Variants in OTOG observed in about 807,000 individuals in gnomAD.
OTOG encodes the protein otogelin.
A neutral mutation model predicts 313.8 loss-of-function variants in OTOG; 296 were observed. The ratio of observed to expected loss-of-function variants is 0.94; its 90% CI spans 0.86 to 1.04. The LOEUF is 1.04. Ranked by LOEUF, OTOG falls within the 50% of genes least tolerant of loss-of-function variation. OTOG has a pLI of 0.00. For missense variants in OTOG, 3,948 were observed against 3,840.1 expected (o/e 1.03, Z -0.74); for synonymous variants, 1,533 against 1,554.9 (o/e 0.99, Z 0.33).
At chr11:17,559,745 C>A in intron 12 of OTOG, 83 bp downstream of exon 12, 2 of 1,303,646 alleles carry the variant, frequency 1.5e-6, no homozygotes, top group South Asian at 1.5e-5. Context: ...TCAGAAGATA[C>A]CTGTTTGTGG....
chr11:17,590,903 T>C (rs987705337), intron 24 of OTOG, among the ~76,000 whole-genome samples: 2 of 152,160 alleles, frequency 1.3e-5, no homozygotes, highest in African/African-American at 4.8e-5. Context: ...CCACCCTATT[T>C]AAAATTGTAA....
At chr11:17,555,730 CA>C in intron 6 of OTOG, 48 bp from the exon 7 acceptor site, 13 of 1,450,680 alleles carry the variant, frequency 9.0e-6, no homozygotes, top group Non-Finnish European at 1.2e-5. Context: ...AGCTCAGGGT[CA>C]GGCCTGTGGC....
Position 17,610,368 on chromosome 11 carries a change from G to T in OTOG, c.5068G>T (p.Ala1690Ser). The T allele has an allele frequency of 1.3e-6, 2 of 1,550,626 alleles. No individual in the cohort carries two copies. The highest frequency in any genetic ancestry group is 1.7e-6 in the Non-Finnish European group (2 of 1,146,982). ...CCCCCAGCCCACCCAGGCCCAGAGT[G>T]CTTCAAGTCCCAGCACCCCTCTAAC... ...GVPQPTQAQS[A>S]SSPSTPLTVA... is the part of the protein sequence containing the mutation. The change falls in exon 36 of 56, where the codon GCT becomes TCT. Residue 1690 changes from alanine (A) to serine (S), a missense_variant. By Grantham distance (99) the Ala-to-Ser change is moderately conservative. Transcript: ENST00000399397.
Position 17,560,701 on chromosome 11 carries a change from C to T in OTOG, c.1343-8C>T, listed in dbSNP as rs876657551. 8.4e-6 allele frequency: 13 copies of T among 1,548,304 alleles called. No homozygotes were observed. The Admixed American group carries it at 1.4e-4, about 16-fold the overall frequency. ...GGTGAGTTAATTGGCCCTTTGCTGTCACTCTAGGGCTCATCTTCGAGGATG... is the reference window on the plus strand; with the variant it reads ...GGTGAGTTAATTGGCCCTTTGCTGTTACTCTAGGGCTCATCTTCGAGGATG... On this transcript the variant is annotated splice_region_variant and splice_polypyrimidine_tract_variant and intron_variant, in intron 12 of 55. Coordinates refer to ENST00000399397, the MANE Select transcript of OTOG (RefSeq NM_001292063.2).
intron 15 of OTOG, among the ~76,000 whole-genome samples, chr11:17,562,570 CA>C (rs148426671): frequency 1.7e-4 from 26 of 148,636 alleles, no homozygotes; most frequent in African/African-American, 3.9e-4. Context: ...ACCCATTTTA[CA>C]AAAAAAAAAT....
Position 17,561,735 on chromosome 11 carries a change from T to C in OTOG, c.1572T>C (p.Cys524=), listed in dbSNP as rs1257902336. ...DGRRYTFPAT[C]QYILAKSRSS... The stretch of plus-strand genomic sequence containing the variant: ...GCCGGTACACGTTCCCCGCCACATG[T>C]CAGTACATCCTGGCCAAGAGCCGCT... The change falls in exon 15 of 56, where the codon TGT becomes TGC. Residue 524 remains cysteine (C), a synonymous_variant. Transcript: ENST00000399397. 1.3e-6 allele frequency: 2 copies of C among 1,550,498 alleles called. No homozygotes were observed. Among genetic ancestry groups the C allele is most frequent in the Non-Finnish European group, 1.7e-6 (2 of 1,146,966 alleles).
intron 42 of OTOG, 108 bp from the exon 43 acceptor site, chr11:17,633,572 C>A: frequency 9.7e-7 from 1 of 1,036,174 alleles, no homozygotes; most frequent in Non-Finnish European, 1.4e-6. Flanking sequence ...TGCTGAGGTG[C>A]TGATGACACT....
At position 17,643,511 on chromosome 11, in the gene OTOG, G is replaced by A; in HGVS notation, c.8461+5G>A. 1 of 1,438,758 alleles carries A rather than the reference G, an allele frequency of 7.0e-7. No homozygotes were observed. Among genetic ancestry groups the A allele is most frequent in the Non-Finnish European group, 9.2e-7 (1 of 1,089,328 alleles). The allele number at this position is 1,438,758 out of a possible 1,614,324, so 89.1% of individuals were successfully genotyped here. Reference sequence around the variant, plus strand: ...TGGAAGGATGCTGCAGGACCTGTGAGTGAGCATGGTGGGGGCCCAGGGGTG... The same window carrying A: ...TGGAAGGATGCTGCAGGACCTGTGAATGAGCATGGTGGGGGCCCAGGGGTG... On this transcript the variant is annotated splice_donor_5th_base_variant and intron_variant, in intron 54 of 55. Transcript: ENST00000399397.
rs184343088 is a variant in OTOG at position 17,636,404 on chromosome 11, T to C, written c.7795+693T>C. ...ATGGTTCTATTTAAATATTATTCAA[T>C]TTACAAAAATTGCTTTGCACACTGA... is the stretch of plus-strand genomic sequence containing the variant. On this transcript the variant is annotated intron_variant, in intron 47 of 55. Transcript: ENST00000399397. Among the ~76,000 whole-genome samples the C allele has an allele frequency of 2.6e-5, 4 of 152,266 alleles. No homozygotes were observed. The East Asian group carries it at 7.7e-4, about 29-fold the overall frequency.
At position 17,613,178 on chromosome 11, in the gene OTOG, CTTTCTTTCTTTCTTTCTTT is replaced by C. The variant is rs1460761153; in HGVS notation, c.6438+415_6439-414del. On this transcript the variant is annotated intron_variant, in intron 38 of 55. Coordinates refer to ENST00000399397, the MANE Select transcript of OTOG (RefSeq NM_001292063.2). ...TTCTCTTCTCTTCTCCCTTTTCTTT[CTTTCTTTCTTTCTTTCTTT>C]TCTTTCTTTCTTTCTTTCTTTCTTT... Among the ~76,000 whole-genome samples the C allele has an allele frequency of 9.4e-3, 940 of 99,494 alleles. 20 individuals are homozygous for C. Among genetic ancestry groups the C allele is most frequent in the African/African-American group, 0.042 (900 of 21,422 alleles). 65.3% of individuals were successfully genotyped at this position (99,494 alleles called of 152,430 possible).
At chr11:17,612,001 C>T (rs531622700) in intron 36 of OTOG, among the ~76,000 whole-genome samples, 161 bp from the exon 37 acceptor site, 1 of 152,210 alleles carries the variant, frequency 6.6e-6, no homozygotes, top group Admixed American at 6.5e-5. Context: ...ATCGCCAGGC[C>T]CCACATGGCT....
At chr11:17,644,164 A>C (rs1393227504) in intron 54 of OTOG, among the ~76,000 whole-genome samples, 1 of 152,358 alleles carries the variant, frequency 6.6e-6, no homozygotes, top group South Asian at 2.1e-4. Context: ...CTGGGCTTGC[A>C]TGGGAAAGCT....
chr11:17,643,824 C>A (rs556979238), intron 54 of OTOG, among the ~76,000 whole-genome samples: 210 of 152,354 alleles, frequency 1.4e-3, no homozygotes, highest in African/African-American at 5.0e-3. Context: ...CCTGCCAAGG[C>A]CCCCAGCCCA....
rs1449626761 is a variant in OTOG at position 17,634,051 on chromosome 11, T to C, written c.7268-18T>C. On this transcript the variant is annotated intron_variant, in intron 43 of 55. Coordinates refer to ENST00000399397, the MANE Select transcript of OTOG (RefSeq NM_001292063.2). ...TCACCTTCCTCAGTCCCTCGCACCCTGCCATTCCCCTCTGCAGCCTGCACT... is the reference window on the plus strand; with the variant it reads ...TCACCTTCCTCAGTCCCTCGCACCCCGCCATTCCCCTCTGCAGCCTGCACT... 7 of 1,538,128 alleles carry C rather than the reference T, an allele frequency of 4.6e-6. No homozygotes were observed. The highest frequency in any genetic ancestry group is 1.4e-5 in the African/African-American group (1 of 72,886).
chr11:17,611,355 A>G lies in OTOG; in HGVS notation c.6055A>G (p.Ser2019Gly). The change falls in exon 36 of 56, where the codon AGC becomes GGC. Residue 2019 changes from serine to glycine, a missense_variant. Transcript: ENST00000399397. Reference protein sequence around the residue: ...EPSGRSAPALSIVEGLAEALA... With the variant: ...EPSGRSAPALGIVEGLAEALA... ...ATCTGGGCGCTCAGCCCCAGCCCTG[A>G]GCATCGTAGAGGGTTTGGCGGAGGC... The G allele has an allele frequency of 9.7e-6, 15 of 1,549,302 alleles. No individual in the cohort carries two copies. Among genetic ancestry groups the G allele is most frequent in the Non-Finnish European group, 1.2e-5 (14 of 1,146,042 alleles).
intron 20 of OTOG, among the ~76,000 whole-genome samples, chr11:17,575,123 G>A (rs980120961): frequency 6.6e-6 from 1 of 152,248 alleles, no homozygotes; most frequent in Non-Finnish European, 1.5e-5. Flanking sequence ...GGCCATTATA[G>A]CAGCTTCCTC....
intron 26 of OTOG, 32 bp from the exon 27 acceptor site, chr11:17,593,577 TG>T (rs751146547): frequency 1.2e-5 from 18 of 1,543,242 alleles, no homozygotes; most frequent in Non-Finnish European, 1.6e-5. Context: ...AGGGGGCACT[TG>T]GGCTCAGGAC....
At chr11:17,640,344 T>C (rs572910124) in intron 49 of OTOG, among the ~76,000 whole-genome samples, 39 of 152,314 alleles carry the variant, frequency 2.6e-4, no homozygotes, top group African/African-American at 9.1e-4. Context: ...GCATGGCCAC[T>C]GAGGGAAGTG....
intron 39 of OTOG, among the ~76,000 whole-genome samples, chr11:17,624,161 G>T (rs184763550): frequency 6.6e-6 from 1 of 152,066 alleles, no homozygotes; most frequent in African/African-American, 2.4e-5. Flanking sequence ...AGTTTAATTA[G>T]ATCCCATTTG....
Sources: allele counts gnomAD v4.1 joint callset (sites outside exome capture counted in the v4.1 genomes callset), GRCh38; gene constraint gnomAD v4.1.1; transcripts MANE v1.5; gene names NCBI Gene and HGNC (gene_info 2026-07-23, HGNC 2026-07-21).